The following BMPR1B variants were observed in gnomAD, a reference collection of about 807,000 sequenced individuals.
The protein encoded by BMPR1B is bone morphogenetic protein receptor type 1B.
In BMPR1B, 12 loss-of-function variants were observed where a neutral mutation model predicts 59.1. The ratio of observed to expected loss-of-function variants is 0.20; its 90% CI spans 0.13 to 0.33. The LOEUF is 0.33. BMPR1B is among the 10% of genes least tolerant of loss of function. BMPR1B has a pLI of 1.00. For missense variants in BMPR1B, 550 were observed against 610.9 expected, an observed-to-expected ratio of 0.90 and a Z score of 1.05; for synonymous variants, 237 against 207.3, an observed-to-expected ratio of 1.14 and a Z score of -1.23.
rs1722040104 is a variant in BMPR1B, at chr4:94,996,149, A to G, written c.-18+15A>G. 6.6e-6 allele frequency: 1 copy of G among 152,270 alleles called. No individual in the cohort carries two copies. Among genetic ancestry groups the G allele is most frequent in the Non-Finnish European group, 1.5e-5 (1 of 68,070 alleles). 9.4% of individuals were successfully genotyped at this position (152,270 alleles called of 1,614,324 possible). On this transcript the variant is annotated intron_variant, in intron 3 of 12. Coordinates refer to ENST00000515059, the MANE Select transcript of BMPR1B (RefSeq NM_001203.3). ...TAAGTGAGAAGGTAAGTAATTAGCC[A>G]GTTCAGTCTCGCTGTTACTCGTAAA... is the stretch of plus-strand genomic sequence containing the variant.
At chr4:94,999,807 C>T (rs980541447) in intron 3 of BMPR1B, among the ~76,000 whole-genome samples, 5 of 152,016 alleles carry the variant, frequency 3.3e-5, no homozygotes, top group Admixed American at 1.3e-4. Flanking sequence ...AGAGATAGTT[C>T]GGGTTTTAAG....
chr4:95,074,774 T>C (rs1288344340), intron 3 of BMPR1B, among the ~76,000 whole-genome samples: 1 of 152,088 alleles, frequency 6.6e-6, no homozygotes, highest in Non-Finnish European at 1.5e-5. Context: ...ATTACTGTTA[T>C]TTAGTAATGG....
At chr4:94,770,882 G>A (rs910980772) in intron 1 of BMPR1B, among the ~76,000 whole-genome samples, 4 of 89,194 alleles carry the variant, frequency 4.5e-5, no homozygotes, top group Non-Finnish European at 6.2e-5. Context: ...GACATGATTA[G>A]CCCTGCAAAA....
At chr4:95,134,698 C>A (rs1733638066) in intron 10 of BMPR1B, among the ~76,000 whole-genome samples, 1 of 152,172 alleles carries the variant, frequency 6.6e-6, no homozygotes, top group Non-Finnish European at 1.5e-5. Context: ...ATCCTTCGCC[C>A]ACTTTTTGAT....
chr4:94,976,546 A>G (rs1731041457), intron 2 of BMPR1B, among the ~76,000 whole-genome samples: 1 of 152,170 alleles, frequency 6.6e-6, no homozygotes, highest in African/African-American at 2.4e-5. Context: ...GTCTTATTCC[A>G]TTACTGCATT....
chr4:94,837,120 C>G (rs1408256166), intron 1 of BMPR1B, among the ~76,000 whole-genome samples: 1 of 144,856 alleles, frequency 6.9e-6, no homozygotes, highest in Non-Finnish European at 1.5e-5. Context: ...TGATCTATAT[C>G]TCTGTTTTGG....
At chr4:95,120,913 AT>A (rs1339320189) in intron 6 of BMPR1B, among the ~76,000 whole-genome samples, 1 of 151,656 alleles carries the variant, frequency 6.6e-6, no homozygotes, top group Non-Finnish European at 1.5e-5. Context: ...GGTTCAAGCA[AT>A]TCTCCCGACT....
intron 1 of BMPR1B, among the ~76,000 whole-genome samples, chr4:94,761,441 G>C (rs1721763357): frequency 1.4e-5 from 2 of 138,040 alleles, no homozygotes. Context: ...GTGTGTGTGT[G>C]TGTGTGTGTG....
At chr4:94,784,447 G>T (rs534373518) in intron 1 of BMPR1B, among the ~76,000 whole-genome samples, 1 of 151,892 alleles carries the variant, frequency 6.6e-6, no homozygotes, top group African/African-American at 2.4e-5. Context: ...GAGTTTTCAG[G>T]TCTCCTGTTT....
At chr4:95,002,846 G>A (rs1309206101) in intron 3 of BMPR1B, among the ~76,000 whole-genome samples, 1 of 152,116 alleles carries the variant, frequency 6.6e-6, no homozygotes, top group Non-Finnish European at 1.5e-5. Context: ...TTGCTAATAT[G>A]ATAGAGGAAA....
chr4:94,865,347 AAT>A (rs945951612), intron 1 of BMPR1B, among the ~76,000 whole-genome samples: 1 of 152,028 alleles, frequency 6.6e-6, no homozygotes, highest in Admixed American at 6.6e-5. Flanking sequence ...TAAATATAAG[AAT>A]ATAGAACATA....
intron 2 of BMPR1B, among the ~76,000 whole-genome samples, chr4:94,924,770 A>G (rs1170763927): frequency 6.6e-6 from 1 of 152,170 alleles, no homozygotes; most frequent in South Asian, 2.1e-4. Context: ...CGTATGACAC[A>G]TATCACTGAG....
chr4:95,139,865 C>A (rs1008107736), intron 10 of BMPR1B, among the ~76,000 whole-genome samples: 1 of 152,200 alleles, frequency 6.6e-6, no homozygotes, highest in Admixed American at 6.5e-5. Flanking sequence ...AGGGAATTCC[C>A]TGACCCCTTG....
chr4:94,824,617 T>C (rs561884860), intron 1 of BMPR1B, among the ~76,000 whole-genome samples: 8 of 152,314 alleles, frequency 5.3e-5, no homozygotes, highest in African/African-American at 1.7e-4. Flanking sequence ...TATATGACAT[T>C]TAGAGAATTA....
chr4:94,904,306 A>G (rs1012595258), intron 2 of BMPR1B, among the ~76,000 whole-genome samples: 2 of 152,038 alleles, frequency 1.3e-5, no homozygotes, highest in Non-Finnish European at 2.9e-5. Flanking sequence ...ATTAATGCCT[A>G]TAATAGTGAC....
chr4:94,795,778 A>T (rs1182282263), intron 1 of BMPR1B, among the ~76,000 whole-genome samples: 1 of 151,942 alleles, frequency 6.6e-6, no homozygotes, highest in Non-Finnish European at 1.5e-5. Context: ...TAATGTTTAA[A>T]AGAAGTAAAT....
At chr4:94,919,387 G>A (rs1728605409) in intron 2 of BMPR1B, among the ~76,000 whole-genome samples, 1 of 152,102 alleles carries the variant, frequency 6.6e-6, no homozygotes, top group South Asian at 2.1e-4. Flanking sequence ...AATCCAACAT[G>A]GATGCTCTTG....
chr4:94,824,906 G>T lies in BMPR1B; in HGVS notation c.-182-50925G>T, dbSNP rs1560502193. Among the ~76,000 whole-genome samples the T allele has an allele frequency of 3.3e-5, 5 of 152,246 alleles. No individual in the cohort carries two copies. In the South Asian group the frequency reaches 1.0e-3, roughly 32 times the overall value. On this transcript the variant is annotated intron_variant, in intron 1 of 12. Transcript: ENST00000515059. Reference sequence around the variant, plus strand: ...CTGAAATTTGTAACATGGACTCCTTGATCAGTTAACTAATTTAAATGGACA... The same window carrying T: ...CTGAAATTTGTAACATGGACTCCTTTATCAGTTAACTAATTTAAATGGACA...
chr4:95,089,139 A>G (rs1275676336), intron 3 of BMPR1B, among the ~76,000 whole-genome samples: 1 of 152,144 alleles, frequency 6.6e-6, no homozygotes, highest in African/African-American at 2.4e-5. Context: ...CACTCTGATA[A>G]TGAAATTTAA....
Sources: gnomAD v4.1 joint callset for allele counts (sites outside exome capture counted in the v4.1 genomes callset) on GRCh38, gnomAD v4.1.1 for gene constraint, MANE v1.5 for transcripts, NCBI Gene and HGNC (gene_info 2026-07-23, HGNC 2026-07-21) for gene names.